Variants in FTO observed in about 807,000 individuals in gnomAD.
The protein encoded by FTO is alpha-ketoglutarate-dependent dioxygenase FTO.
A neutral mutation model predicts 63.9 loss-of-function variants in FTO; 47 were observed. That is an observed-to-expected ratio of 0.74 (90% CI 0.58 to 0.94). The LOEUF (loss-of-function observed/expected upper bound fraction) is 0.94, where lower values mean the gene tolerates loss of function less well. Ranked by LOEUF, FTO falls within the 40% of genes least tolerant of loss-of-function variation. The pLI is 0.00. For synonymous variants in FTO, 207 were observed against 224.4 expected (o/e 0.92, Z 0.69); for missense variants, 562 against 618.1 (o/e 0.91, Z 0.96).
intron 8 of FTO, among the ~76,000 whole-genome samples, chr16:54,049,728 T>C (rs2085269881): frequency 6.6e-6 from 1 of 152,164 alleles, no homozygotes; most frequent in Admixed American, 6.5e-5. Context: ...TCAGGCAGAA[T>C]GTAGGCAAAG....
Position 53,763,534 on chromosome 16 carries a change from T to C in FTO, c.46-46606T>C, listed in dbSNP as rs148179117. ...GGCCTTTCAAGGGGATCATCTGGTT[T>C]TAGAGGCTTTAGTCTCCTTTGAGTA... On this transcript the variant is annotated intron_variant, in intron 1 of 8. Coordinates refer to ENST00000471389, the MANE Select transcript of FTO (RefSeq NM_001080432.3). Among the ~76,000 whole-genome samples the C allele has an allele frequency of 2.5e-3, 387 of 152,264 alleles. 4 individuals are homozygous for C. Among genetic ancestry groups the C allele is most frequent in the African/African-American group, 8.5e-3 (353 of 41,564 alleles).
chr16:53,946,310 A>G (rs1013828096), intron 8 of FTO, among the ~76,000 whole-genome samples: 3 of 152,240 alleles, frequency 2.0e-5, no homozygotes, highest in African/African-American at 7.2e-5. Context: ...TTCAGTATCC[A>G]TGCGTGAAAG....
intron 4 of FTO, among the ~76,000 whole-genome samples, chr16:53,870,445 C>A (rs762473515): frequency 1.8e-4 from 28 of 152,158 alleles, no homozygotes; most frequent in Non-Finnish European, 3.4e-4. Context: ...GTTTTTCTAT[C>A]CTGGAACTGG....
At chr16:53,787,803 A>T (rs1171080396) in intron 1 of FTO, among the ~76,000 whole-genome samples, 1 of 152,238 alleles carries the variant, frequency 6.6e-6, no homozygotes, top group Non-Finnish European at 1.5e-5. Context: ...AAGAAGGCAA[A>T]TGAGCGTAGA....
chr16:54,041,870 G>A (rs189796002), intron 8 of FTO, among the ~76,000 whole-genome samples: 26 of 152,310 alleles, frequency 1.7e-4, no homozygotes, highest in Middle Eastern at 3.4e-3. Flanking sequence ...CGTGCTGCCC[G>A]ATGTGCTGAT....
At chr16:53,883,359 C>T (rs1000066793) in intron 6 of FTO, among the ~76,000 whole-genome samples, 8 of 152,074 alleles carry the variant, frequency 5.3e-5, no homozygotes, top group South Asian at 2.1e-4. Context: ...CGGTGGCTCA[C>T]GCGTGTAATC....
Position 53,825,847 on chromosome 16 carries a change from C to T in FTO, c.124-17C>T, listed in dbSNP as rs1042556323. On this transcript the variant is annotated splice_polypyrimidine_tract_variant and intron_variant, in intron 2 of 8. Transcript: ENST00000471389. ...AGCTATATATCAACGTCTGTTTTTG[C>T]TTTGGTTTTGTTTTAGTGGCAGCTG... 1.2e-6 allele frequency: 2 copies of T among 1,611,710 alleles called. No individual in the cohort carries two copies. Among genetic ancestry groups the T allele is most frequent in the Admixed American group, 1.7e-5 (1 of 60,000 alleles).
intron 7 of FTO, among the ~76,000 whole-genome samples, chr16:53,893,124 C>T (rs1456353809): frequency 6.6e-6 from 1 of 152,056 alleles, no homozygotes; most frequent in Non-Finnish European, 1.5e-5. Flanking sequence ...GATAAAATAT[C>T]ACATTTTCCC....
chr16:53,825,200 T>G (rs553410004), intron 2 of FTO, among the ~76,000 whole-genome samples: 3 of 152,340 alleles, frequency 2.0e-5, no homozygotes, highest in African/African-American at 7.2e-5. Context: ...GTCTAACTCC[T>G]GAAGAGAAGT....
chr16:54,110,808 G>C (rs980174445), intron 8 of FTO, among the ~76,000 whole-genome samples: 6 of 152,182 alleles, frequency 3.9e-5, no homozygotes, highest in Non-Finnish European at 8.8e-5. Context: ...CATAGTGTTT[G>C]GTTTTGATCC....
chr16:53,920,003 G>T (rs566562769), intron 7 of FTO, among the ~76,000 whole-genome samples: 28 of 152,146 alleles, frequency 1.8e-4, no homozygotes, highest in Non-Finnish European at 3.7e-4. Context: ...ATTTTAAAAA[G>T]ACTAAATGGG....
At chr16:53,970,292 G>A (rs1257950075) in intron 8 of FTO, among the ~76,000 whole-genome samples, 3 of 152,028 alleles carry the variant, frequency 2.0e-5, no homozygotes, top group Non-Finnish European at 4.4e-5. Flanking sequence ...AGCCGACTTG[G>A]GTGAAAAACA....
intron 1 of FTO, among the ~76,000 whole-genome samples, chr16:53,774,707 G>A (rs560837678): frequency 2.6e-5 from 4 of 152,276 alleles, no homozygotes; most frequent in African/African-American, 9.6e-5. Context: ...GGCTGAAGGT[G>A]GAGCCTCCAG....
rs139414656 is a variant in FTO at position 54,081,528 on chromosome 16, A to G, written c.1365-30234A>G. Among the ~76,000 whole-genome samples, 168 of 152,290 alleles carry G rather than the reference A, an allele frequency of 1.1e-3. 1 individual carries two copies. The East Asian group carries it at 0.031, about 28-fold the overall frequency. ...ACTTATGCACAGTGTATCTAAATAGACACTGGCCATGTTCAGTCCACCCTA... is the reference window on the plus strand; with the variant it reads ...ACTTATGCACAGTGTATCTAAATAGGCACTGGCCATGTTCAGTCCACCCTA... On this transcript the variant is annotated intron_variant, in intron 8 of 8. Transcript: ENST00000471389.
chr16:53,831,090 T>A (rs1448924105), intron 3 of FTO, among the ~76,000 whole-genome samples: 2 of 152,214 alleles, frequency 1.3e-5, no homozygotes, highest in East Asian at 3.8e-4. Flanking sequence ...TGGAAATTTG[T>A]TCCCGTAATT....
intron 1 of FTO, among the ~76,000 whole-genome samples, chr16:53,784,133 G>A (rs1472713879): frequency 6.6e-6 from 1 of 152,120 alleles, no homozygotes; most frequent in African/African-American, 2.4e-5. Flanking sequence ...CTTAAAACCT[G>A]GACTTGATAT....
At chr16:53,971,761 C>G (rs1349609065) in intron 8 of FTO, among the ~76,000 whole-genome samples, 1 of 152,182 alleles carries the variant, frequency 6.6e-6, no homozygotes, top group African/African-American at 2.4e-5. Context: ...AGCAGGATCC[C>G]CTTCCCGAAG....
intron 8 of FTO, among the ~76,000 whole-genome samples, chr16:54,074,957 A>AG (rs1567555671): frequency 1.2e-3 from 158 of 133,180 alleles, no homozygotes; most frequent in African/African-American, 4.3e-3. Flanking sequence ...TGTGTGTGTA[A>AG]ACTGTTTTAG....
chr16:53,750,403 A>C (rs1436366331), intron 1 of FTO, among the ~76,000 whole-genome samples: 1 of 151,880 alleles, frequency 6.6e-6, no homozygotes, highest in African/African-American at 2.4e-5. Flanking sequence ...ACACCTGGCG[A>C]ATTTTTTGTA....
Sources: gnomAD v4.1 joint callset for allele counts (sites outside exome capture counted in the v4.1 genomes callset) on GRCh38, gnomAD v4.1.1 for gene constraint, MANE v1.5 for transcripts, NCBI Gene and HGNC (gene_info 2026-07-23, HGNC 2026-07-21) for gene names.